Variants in ADGRA2 observed in about 807,000 individuals in gnomAD.
ADGRA2 encodes the protein G-protein coupled receptor 124.
ADGRA2 carries 61 observed loss-of-function variants against 98.7 expected under a neutral mutation model. The ratio of observed to expected loss-of-function variants is 0.62; its 90% CI spans 0.50 to 0.76. The LOEUF is 0.76. Among genes scored for constraint, ADGRA2 ranks in the 30% least tolerant of loss-of-function variants. The probability of loss-of-function intolerance (pLI) is 0.00; values close to 1 mark genes in which losing one functional copy is unlikely to be tolerated. For synonymous variants in ADGRA2, 858 were observed against 831.5 expected (o/e 1.03, Z -0.55); for missense variants, 1,712 against 1,860.0 (o/e 0.92, Z 1.46).
chr8:37,842,444 G>C lies in ADGRA2; in HGVS notation c.*89G>C. The C allele has an allele frequency of 7.2e-7, 1 of 1,382,594 alleles. No homozygotes were observed. The highest frequency in any genetic ancestry group is 9.4e-7 in the Non-Finnish European group (1 of 1,068,010). The allele number at this position is 1,382,594 out of a possible 1,614,324, so 85.6% of individuals were successfully genotyped here. On this transcript the variant is annotated 3_prime_UTR_variant, in exon 19 of 19. Coordinates refer to ENST00000412232, the MANE Select transcript of ADGRA2 (RefSeq NM_032777.10). ...CTCCAAGGTGTCTCCGTAGTCAGCA[G>C]GTTGGAGGCAGAGGAGCCGATGGCT...
rs757708388 is a variant in ADGRA2, at chr8:37,835,560, G to A, written c.1840G>A (p.Val614Met). ...SLSSFHIKNSVALASIQLPPS... is the reference protein window; with the variant it reads ...SLSSFHIKNSMALASIQLPPS... ...AGCTCCTATGTCCCCCCAGAACAGC[G>A]TGGCCCTGGCCTCCATCCAGCTGCC... Residue 614 changes from valine (V) to methionine (M), a missense_variant, in exon 13 of 19, where the codon GTG becomes ATG. Transcript: ENST00000412232. 3.0e-5 allele frequency: 49 copies of A among 1,610,268 alleles called. No homozygotes were observed. The highest frequency in any genetic ancestry group is 3.3e-4 in the Middle Eastern group (2 of 6,074).
intron 1 of ADGRA2, among the ~76,000 whole-genome samples, chr8:37,798,273 C>T (rs1804401382): frequency 6.6e-6 from 1 of 152,230 alleles, no homozygotes; most frequent in Non-Finnish European, 1.5e-5. Flanking sequence ...GGCTGTTTCT[C>T]CATTGACTTC....
Position 37,830,691 on chromosome 8 carries a change from C to T in ADGRA2, c.719-19C>T. 1 of 1,570,708 alleles carries T rather than the reference C, an allele frequency of 6.4e-7. No homozygotes were observed. Among genetic ancestry groups the T allele is most frequent in the Non-Finnish European group, 8.7e-7 (1 of 1,154,552 alleles). On this transcript the variant is annotated intron_variant, in intron 6 of 18. Transcript: ENST00000412232. The surrounding 1 kb of genome is among the most constrained non-coding windows in gnomAD (Gnocchi z 4.8). Reference sequence around the variant, plus strand: ...ATGCGTGTGCACTCGGGCCTCACGCCTGGTGTCTCCTCCCACAGAGGGGGC... The same window carrying T: ...ATGCGTGTGCACTCGGGCCTCACGCTTGGTGTCTCCTCCCACAGAGGGGGC...
chr8:37,805,669 A>T (rs1479316061), intron 1 of ADGRA2, among the ~76,000 whole-genome samples: 1 of 151,872 alleles, frequency 6.6e-6, no homozygotes, highest in Non-Finnish European at 1.5e-5. Context: ...GGAGTTCGAG[A>T]CCATCCTGGC....
rs775407636 is a variant in ADGRA2, at chr8:37,844,796, T to C, written c.*2441T>C. 2 of 1,614,008 alleles carry C rather than the reference T, an allele frequency of 1.2e-6. No individual in the cohort carries two copies. Among genetic ancestry groups the C allele is most frequent in the African/African-American group, 2.7e-5 (2 of 74,918 alleles). ...GTGGCTCCTTCTCTCGGGTCTCCAC[T>C]TCTGCTGTCCCATCCCGAAAGGCAG... On this transcript the variant is annotated 3_prime_UTR_variant, in exon 19 of 19. Coordinates refer to ENST00000412232, the MANE Select transcript of ADGRA2 (RefSeq NM_032777.10).
In ADGRA2 at chr8:37,835,415, GGA is replaced by G. The variant is rs1230083687; in HGVS notation, c.1833+21_1833+22del. The G allele has an allele frequency of 6.3e-7, 1 of 1,599,938 alleles. No individual in the cohort carries two copies. Among genetic ancestry groups the G allele is most frequent in the South Asian group, 1.1e-5 (1 of 90,696 alleles). ...CACATCAAGGTGGGCGCTGGGGGAG[GGA>G]GAGGGGGTGGGAGAAGGGAGGCACT... On this transcript the variant is annotated intron_variant, in intron 12 of 18. Transcript: ENST00000412232.
intron 1 of ADGRA2, among the ~76,000 whole-genome samples, chr8:37,798,960 T>C (rs982857453): frequency 6.6e-6 from 1 of 152,218 alleles, no homozygotes; most frequent in Non-Finnish European, 1.5e-5. Flanking sequence ...TCTCTGACTG[T>C]CCGCTGGGGT....
intron 2 of ADGRA2, among the ~76,000 whole-genome samples, chr8:37,826,782 T>C (rs568840424): frequency 3.9e-5 from 6 of 152,128 alleles, no homozygotes; most frequent in African/African-American, 1.2e-4. Context: ...TCCAGAGACG[T>C]TGATGAGGTT....
In ADGRA2 at chr8:37,837,737, G is replaced by A. The variant is rs1805660585; in HGVS notation, c.2057G>A (p.Cys686Tyr). 1 of 1,552,698 alleles carries A rather than the reference G, an allele frequency of 6.4e-7. No individual in the cohort carries two copies. Among genetic ancestry groups the A allele is most frequent in the Non-Finnish European group, 8.7e-7 (1 of 1,148,254 alleles). ...CGTCCCTCTCCCGCTGTAGGTGGCT[G>A]TGGCGTGGGAAACCTGACAGAGCCA... ...TPVIFAGTSG[C>Y]GVGNLTEPVA... is the part of the protein sequence containing the mutation. Residue 686 changes from cysteine to tyrosine, a missense_variant, in exon 14 of 19, where the codon TGT (cysteine) becomes TAT (tyrosine). Transcript: ENST00000412232.
chr8:37,803,200 C>T (rs1804558707), intron 1 of ADGRA2, among the ~76,000 whole-genome samples: 2 of 152,230 alleles, frequency 1.3e-5, no homozygotes, highest in African/African-American at 2.4e-5. Flanking sequence ...GGGAGAAGAA[C>T]CCTTTCCTGA....
At position 37,814,966 on chromosome 8, in the gene ADGRA2, C is replaced by G; in HGVS notation, c.337C>G (p.Leu113Val). ...CCTGGGACTGTCACTGCTGGAGAAG[C>G]TGTAAGTGCTGGGGAAGGTGAGGTG... is the stretch of plus-strand genomic sequence containing the variant. ...SFLGLSLLEK[L>V]DLRNNIISTV... is the part of the protein sequence containing the mutation. The change falls in exon 2 of 19, where the codon CTG (leucine) becomes GTG (valine). Residue 113 changes from leucine (L) to valine (V), a missense_variant and splice_region_variant. Transcript: ENST00000412232. The surrounding 1 kb of genome is among the most constrained non-coding windows in gnomAD (Gnocchi z 4.3). 1 of 1,607,104 alleles carries G rather than the reference C, an allele frequency of 6.2e-7. No individual in the cohort carries two copies. The highest frequency in any genetic ancestry group is 8.5e-7 in the Non-Finnish European group (1 of 1,173,590).
At chr8:37,819,334 G>C (rs1805065659) in intron 2 of ADGRA2, among the ~76,000 whole-genome samples, 1 of 152,152 alleles carries the variant, frequency 6.6e-6, no homozygotes, top group Non-Finnish European at 1.5e-5. Context: ...CTCCAACGTG[G>C]TCACTGATCA....
In ADGRA2 at chr8:37,837,756, A is replaced by G. The variant is rs146861408; in HGVS notation, c.2076A>G (p.Thr692=). Residue 692 remains threonine, a synonymous_variant, in exon 14 of 19, where the codon ACA becomes ACG. Transcript: ENST00000412232. ...GTGGCTGTGGCGTGGGAAACCTGACAGAGCCAGTGGCCGTTTCGCTGCGGC... is the reference window on the plus strand; with the variant it reads ...GTGGCTGTGGCGTGGGAAACCTGACGGAGCCAGTGGCCGTTTCGCTGCGGC... ...GTSGCGVGNL[T]EPVAVSLRHW... 5.2e-6 allele frequency: 8 copies of G among 1,553,262 alleles called. No individual in the cohort carries two copies. Among genetic ancestry groups the G allele is most frequent in the Non-Finnish European group, 6.1e-6 (7 of 1,148,518 alleles).
rs1804528090 is a variant in ADGRA2, at chr8:37,802,179, G to C, written c.266+4645G>C. ...GCACAGGTCTCCCTCTGGACCTCCAGCTGCTGGCTGGGACTCACTTCAGGG... is the reference window on the plus strand; with the variant it reads ...GCACAGGTCTCCCTCTGGACCTCCACCTGCTGGCTGGGACTCACTTCAGGG... On this transcript the variant is annotated intron_variant, in intron 1 of 18. Transcript: ENST00000412232. The surrounding 1 kb of genome is among the most constrained non-coding windows in gnomAD (Gnocchi z 4.7). Among the ~76,000 whole-genome samples the C allele has an allele frequency of 6.6e-6, 1 of 152,208 alleles. No individual in the cohort carries two copies. Among genetic ancestry groups the C allele is most frequent in the Non-Finnish European group, 1.5e-5 (1 of 68,032 alleles).
intron 1 of ADGRA2, among the ~76,000 whole-genome samples, chr8:37,804,619 G>T (rs1804607284): frequency 6.6e-6 from 1 of 152,238 alleles, no homozygotes; most frequent in African/African-American, 2.4e-5. Context: ...GCAGCCATGA[G>T]TTTAGTCAGA....
At chr8:37,833,304 C>T (rs562666971) in intron 9 of ADGRA2, 96 bp downstream of exon 9, 44 of 1,002,094 alleles carry the variant, frequency 4.4e-5, no homozygotes, top group Middle Eastern at 2.5e-4. Context: ...ATCTCCGGGC[C>T]GCTGGGCTGT....
At chr8:37,833,527 G>A (rs1253050073) in intron 9 of ADGRA2, among the ~76,000 whole-genome samples, 161 bp from the exon 10 acceptor site, 3 of 152,200 alleles carry the variant, frequency 2.0e-5, no homozygotes, top group Non-Finnish European at 4.4e-5. Context: ...GGCTGTGATG[G>A]TCTCAGCCTC....
At chr8:37,811,588 T>C (rs1804835141) in intron 1 of ADGRA2, among the ~76,000 whole-genome samples, 1 of 149,964 alleles carries the variant, frequency 6.7e-6, no homozygotes, top group Non-Finnish European at 1.5e-5. Flanking sequence ...GTGATTCTCC[T>C]GCCTCAGCCC....
intron 1 of ADGRA2, among the ~76,000 whole-genome samples, chr8:37,804,130 C>CACACACACACACAA: frequency 6.7e-6 from 1 of 148,696 alleles, no homozygotes; most frequent in South Asian, 2.2e-4. Flanking sequence ...CACACACACA[C>CACACACACACACAA]ACACACACAC....
Sources: gnomAD v4.1 joint callset for allele counts (sites outside exome capture counted in the v4.1 genomes callset) on GRCh38, gnomAD v4.1.1 for gene constraint, Gnocchi (gnomAD v3.1) non-coding constraint, MANE v1.5 for transcripts, NCBI Gene and HGNC (gene_info 2026-07-23, HGNC 2026-07-21) for gene names.